The following TENM2 variants were observed in gnomAD, a reference collection of about 807,000 sequenced individuals.
TENM2 encodes teneurin-2.
TENM2 carries 52 observed loss-of-function variants against 245.2 expected under a neutral mutation model. That is an observed-to-expected ratio of 0.21 (90% CI 0.17 to 0.27). The LOEUF (loss-of-function observed/expected upper bound fraction) is 0.27. Among genes scored for constraint, TENM2 ranks in the 10% least tolerant of loss-of-function variants. The pLI, the probability that TENM2 is intolerant of heterozygous loss-of-function variation, is 1.00. For synonymous variants in TENM2, 1,363 were observed against 1,438.9 expected, an observed-to-expected ratio of 0.95 and a Z score of 1.19; for missense variants, 3,046 against 3,666.8, an observed-to-expected ratio of 0.83 and a Z score of 4.37.
At chr5:167,903,474 G>A (rs1188907455) in intron 3 of TENM2, among the ~76,000 whole-genome samples, 1 of 143,270 alleles carries the variant, frequency 7.0e-6, no homozygotes, top group Non-Finnish European at 1.5e-5. Context: ...TGACTTCTTA[G>A]CTGAAACTGA....
chr5:168,178,064 C>T (rs137882730), intron 13 of TENM2, among the ~76,000 whole-genome samples: 12 of 152,280 alleles, frequency 7.9e-5, no homozygotes, highest in African/African-American at 2.4e-4. Flanking sequence ...AAGCATCATG[C>T]GCCCCTACTA....
intron 1 of TENM2, among the ~76,000 whole-genome samples, chr5:167,309,209 A>C (rs2127750632): frequency 6.6e-6 from 1 of 152,276 alleles, no homozygotes; most frequent in African/African-American, 2.4e-5. Context: ...TGATACCAGA[A>C]AGAAGAATGG....
intron 12 of TENM2, among the ~76,000 whole-genome samples, chr5:168,158,197 T>A (rs544632142): frequency 1.3e-5 from 2 of 152,094 alleles, no homozygotes; most frequent in African/African-American, 4.8e-5. Flanking sequence ...TGGGTTTTTT[T>A]AAATCCCAAA....
intron 7 of TENM2, among the ~76,000 whole-genome samples, chr5:168,089,841 T>C (rs1295802623): frequency 6.6e-6 from 1 of 152,188 alleles, no homozygotes; most frequent in African/African-American, 2.4e-5. Context: ...TATTTTGTGT[T>C]TGCTGGGTGC....
At chr5:166,992,440 A>G in the TENM2 span, among the ~76,000 whole-genome samples, 4 of 152,080 alleles carry the variant, frequency 2.6e-5, no homozygotes, top group Non-Finnish European at 5.9e-5. Context: ...AGCTACTTGG[A>G]TTTTCTTAAA....
rs141590796 is a variant in TENM2, at chr5:167,445,822, G to A, written c.502+70349G>A. Reference sequence around the variant, plus strand: ...TGCCCAAACCGTCCCTGGTCTGGACGCCACAAATGGAGCAGAAAGAGAAAG... The same window carrying A: ...TGCCCAAACCGTCCCTGGTCTGGACACCACAAATGGAGCAGAAAGAGAAAG... On this transcript the variant is annotated intron_variant, in intron 2 of 28. Transcript: ENST00000518659. Among the ~76,000 whole-genome samples the A allele has an allele frequency of 4.6e-5, 7 of 152,236 alleles. No homozygotes were observed. The East Asian group carries it at 7.8e-4, about 17-fold the overall frequency.
intron 2 of TENM2, among the ~76,000 whole-genome samples, chr5:167,859,267 C>T (rs1219490043): frequency 2.1e-5 from 2 of 94,886 alleles, no homozygotes; most frequent in Non-Finnish European, 4.5e-5. Flanking sequence ...GGAGCCCCTC[C>T]GCCCGGCAGC....
intron 2 of TENM2, among the ~76,000 whole-genome samples, chr5:167,519,100 C>T (rs984512320): frequency 1.3e-5 from 2 of 152,176 alleles, no homozygotes; most frequent in African/African-American, 4.8e-5. Flanking sequence ...CCCTTTACTA[C>T]AGACCATAGT....
the TENM2 span, among the ~76,000 whole-genome samples, chr5:167,036,569 G>A: frequency 1.3e-5 from 2 of 152,018 alleles, no homozygotes; most frequent in African/African-American, 4.8e-5. Context: ...ATCAATATTT[G>A]TTTTGAATTC....
At chr5:166,998,985 GCTATT>G in the TENM2 span, among the ~76,000 whole-genome samples, 1 of 151,024 alleles carries the variant, frequency 6.6e-6, no homozygotes, top group East Asian at 1.9e-4. Context: ...AATTCATACT[GCTATT>G]ATATTATATG....
At chr5:168,102,795 T>A (rs964880178) in intron 9 of TENM2, among the ~76,000 whole-genome samples, 1 of 152,250 alleles carries the variant, frequency 6.6e-6, no homozygotes, top group African/African-American at 2.4e-5. Context: ...ACAATAGCTT[T>A]TAAGTACTCA....
intron 2 of TENM2, among the ~76,000 whole-genome samples, chr5:167,698,206 G>A (rs1208483309): frequency 6.6e-6 from 1 of 152,066 alleles, no homozygotes; most frequent in African/African-American, 2.4e-5. Context: ...TAACTCCCTG[G>A]TTGTTTTTAC....
At chr5:168,184,240 T>C (rs950989170) in intron 13 of TENM2, among the ~76,000 whole-genome samples, 1 of 152,190 alleles carries the variant, frequency 6.6e-6, no homozygotes, top group Non-Finnish European at 1.5e-5. Flanking sequence ...AAGGTAGATT[T>C]GGTGCTTGGT....
At chr5:167,959,230 T>A (rs554322836) in intron 4 of TENM2, among the ~76,000 whole-genome samples, 1 of 151,158 alleles carries the variant, frequency 6.6e-6, no homozygotes, top group African/African-American at 2.4e-5. Context: ...AGTCTCGCTC[T>A]GTCGCCCAGG....
intron 3 of TENM2, among the ~76,000 whole-genome samples, chr5:167,919,914 G>C (rs1777221706): frequency 6.6e-6 from 1 of 152,166 alleles, no homozygotes; most frequent in Non-Finnish European, 1.5e-5. Flanking sequence ...GTGGCCACTA[G>C]AAATGGAATA....
upstream of TENM2, among the ~76,000 whole-genome samples, chr5:167,282,518 T>C (rs1460425361): frequency 6.6e-6 from 1 of 152,198 alleles, no homozygotes; most frequent in East Asian, 1.9e-4. Flanking sequence ...GATAGTATAT[T>C]AGGAATTTTA....
At chr5:167,936,636 T>C (rs574087325) in intron 3 of TENM2, among the ~76,000 whole-genome samples, 6 of 152,320 alleles carry the variant, frequency 3.9e-5, no homozygotes, top group African/African-American at 1.4e-4. Context: ...TTAATTTTAT[T>C]GTGGTATTAT....
At chr5:167,020,771 A>G in the TENM2 span, among the ~76,000 whole-genome samples, 1 of 152,218 alleles carries the variant, frequency 6.6e-6, no homozygotes, top group Non-Finnish European at 1.5e-5. Flanking sequence ...TATATATCCA[A>G]TGTCTGCAAT....
intron 7 of TENM2, among the ~76,000 whole-genome samples, chr5:168,070,346 A>G (rs560758908): frequency 5.3e-5 from 8 of 152,244 alleles, no homozygotes; most frequent in Non-Finnish European, 8.8e-5. Flanking sequence ...CTAATCAAAC[A>G]TTTTTCCATT....
Sources: allele counts gnomAD v4.1 joint callset (sites outside exome capture counted in the v4.1 genomes callset), GRCh38; gene constraint gnomAD v4.1.1; transcripts MANE v1.5; gene names NCBI Gene and HGNC (gene_info 2026-07-23, HGNC 2026-07-21).